Variants in OMG observed in about 807,000 individuals in gnomAD.
The protein encoded by OMG is oligodendrocyte-myelin glycoprotein.
A neutral mutation model predicts 26.2 loss-of-function variants in OMG; 9 were observed. That is an observed-to-expected ratio of 0.34 (90% CI 0.21 to 0.60). OMG has a LOEUF of 0.60. Ranked by LOEUF, OMG falls within the 20% of genes least tolerant of loss-of-function variation. OMG has a pLI of 0.80. For synonymous variants in OMG, 179 were observed against 190.4 expected (o/e 0.94, Z 0.49); for missense variants, 402 against 513.6 (o/e 0.78, Z 2.10).
Position 31,295,791 on chromosome 17 carries a change from G to A in OMG, c.541C>T (p.Gln181Ter). 1 of 1,614,168 alleles carries A rather than the reference G, an allele frequency of 6.2e-7. No homozygotes were observed. The highest frequency in any genetic ancestry group is 8.5e-7 in the Non-Finnish European group (1 of 1,180,008). ...TTTATTAATGTACCTGGAAGAATTTGTGTCAAAGAATTATTAGACAGGTCC... is the reference window on the plus strand; with the variant it reads ...TTTATTAATGTACCTGGAAGAATTTATGTCAAAGAATTATTAGACAGGTCC... ...IVDLSNNSLT[Q>*]ILPGTLINLT... is the part of the protein sequence containing the mutation. Residue 181 changes from glutamine (Q) to a stop codon, truncating the protein, a stop_gained, in exon 2 of 2, where the codon CAA (glutamine) becomes TAA (stop). Coordinates refer to ENST00000247271, the MANE Select transcript of OMG (RefSeq NM_002544.5). LOFTEE classifies it high-confidence loss of function.
intron 1 of OMG, chr17:31,296,598 C>A (rs894863122): frequency 3.7e-5 from 17 of 454,626 alleles, no homozygotes; most frequent in Middle Eastern, 1.2e-3. Flanking sequence ...CTCCCTCCCC[C>A]CTTTTCTAAC....
intron 1 of OMG, 49 bp from the exon 2 acceptor site, chr17:31,296,386 G>A: frequency 1.9e-6 from 3 of 1,604,384 alleles, no homozygotes; most frequent in East Asian, 2.2e-5. Flanking sequence ...ATACAGTTTA[G>A]GCATCTGCAT....
rs1433022066 is a variant in OMG at position 31,295,621 on chromosome 17, G to A, written c.711C>T (p.Tyr237=). The stretch of plus-strand genomic sequence containing the variant: ...TTGTTTCCATCATCCACTTCAGTAA[G>A]TAAGTAATGTTTTGTTTGTGGTCAC... ...WSCDHKQNIT[Y]LLKWMMETKA... Residue 237 remains tyrosine (Y), a synonymous_variant, in exon 2 of 2, where the codon TAC becomes TAT. Transcript: ENST00000247271. The A allele has an allele frequency of 1.9e-5, 31 of 1,614,016 alleles. No individual in the cohort carries two copies. Among genetic ancestry groups the A allele is most frequent in the Non-Finnish European group, 2.6e-5 (31 of 1,180,016 alleles).
intron 1 of OMG, chr17:31,296,560 C>A: frequency 3.7e-6 from 2 of 535,406 alleles, no homozygotes; most frequent in South Asian, 4.3e-5. Context: ...TCCCTACTCT[C>A]TCCTGCATTT....
Position 31,296,260 on chromosome 17 carries a change from G to C in OMG, c.72C>G (p.Cys24Trp). ...ILLFLTPGIL[C>W]ICPLQCICTE... Reference sequence around the variant, plus strand: ...TGCATATACATTGGAGAGGACAAATGCATAAAATACCAGGTGTGAGAAACA... The same window carrying C: ...TGCATATACATTGGAGAGGACAAATCCATAAAATACCAGGTGTGAGAAACA... The change falls in exon 2 of 2, where the codon TGC (cysteine) becomes TGG (tryptophan). Residue 24 changes from cysteine (C) to tryptophan (W), a missense_variant. Transcript: ENST00000247271. 1 of 1,614,074 alleles carries C rather than the reference G, an allele frequency of 6.2e-7. No individual in the cohort carries two copies. Among genetic ancestry groups the C allele is most frequent in the Non-Finnish European group, 8.5e-7 (1 of 1,179,954 alleles).
chr17:31,295,810 C>T lies in OMG; in HGVS notation c.522G>A (p.Leu174=), dbSNP rs1167189938. 1.9e-6 allele frequency: 3 copies of T among 1,614,054 alleles called. No homozygotes were observed. The highest frequency in any genetic ancestry group is 2.5e-6 in the Non-Finnish European group (3 of 1,180,030). The change falls in exon 2 of 2, where the codon CTG becomes CTA. Residue 174 remains leucine, a synonymous_variant. Transcript: ENST00000247271. ...NMPSKLHIVD[L]SNNSLTQILP... ...GAATTTGTGTCAAAGAATTATTAGACAGGTCCACGATATGTAGTTTGGAGG... is the reference window on the plus strand; with the variant it reads ...GAATTTGTGTCAAAGAATTATTAGATAGGTCCACGATATGTAGTTTGGAGG...
At chr17:31,296,521 A>G (rs771437591) in intron 1 of OMG, 184 bp from the exon 2 acceptor site, 17 of 629,410 alleles carry the variant, frequency 2.7e-5, no homozygotes, top group Middle Eastern at 4.3e-4. Context: ...TAATCCTTCA[A>G]TTGGGCTATG....
In OMG at chr17:31,295,266, G is replaced by T; in HGVS notation, c.1066C>A (p.His356Asn). The change falls in exon 2 of 2, where the codon CAT becomes AAT. Residue 356 changes from histidine (H) to asparagine (N), a missense_variant. Around this residue, in one of 3 missense-constraint regions of OMG, gnomAD observed 247 missense variants for 274.7 expected, o/e 0.90. Transcript: ENST00000247271. ...TTTGTGACCATTCCATCTTGGAGAT[G>T]AATAGTTAGAGTTGCAGCTGCTGCT... The part of the protein sequence containing the change: ...HEAAAATLTI[H>N]LQDGMVTNTS... The T allele has an allele frequency of 6.2e-7, 1 of 1,614,096 alleles. No individual in the cohort carries two copies. The highest frequency in any genetic ancestry group is 8.5e-7 in the Non-Finnish European group (1 of 1,180,016).
chr17:31,296,268 T>C lies in OMG; in HGVS notation c.64A>G (p.Ile22Val). The change falls in exon 2 of 2, where the codon ATT becomes GTT. Residue 22 changes from isoleucine (I) to valine (V), a missense_variant. Ile to Val is a conservative substitution (Grantham distance 29). Transcript: ENST00000247271. ...CATTGGAGAGGACAAATGCATAAAATACCAGGTGTGAGAAACAGAAGGATG... is the reference window on the plus strand; with the variant it reads ...CATTGGAGAGGACAAATGCATAAAACACCAGGTGTGAGAAACAGAAGGATG... ...LFILLFLTPG[I>V]LCICPLQCIC... 1 of 1,614,092 alleles carries C rather than the reference T, an allele frequency of 6.2e-7. No individual in the cohort carries two copies. Among genetic ancestry groups the C allele is most frequent in the Non-Finnish European group, 8.5e-7 (1 of 1,179,938 alleles).
At position 31,296,248 on chromosome 17, in the gene OMG, G is replaced by T. The variant is rs1429868370; in HGVS notation, c.84C>A (p.Leu28=). 6.2e-7 allele frequency: 1 copy of T among 1,613,992 alleles called. No homozygotes were observed. The highest frequency in any genetic ancestry group is 8.5e-7 in the Non-Finnish European group (1 of 1,179,996). The part of the protein sequence containing the change: ...LTPGILCICP[L]QCICTERHRH... ...TGTGCCTCTCTGTGCATATACATTG[G>T]AGAGGACAAATGCATAAAATACCAG... Residue 28 remains leucine (L), a synonymous_variant, in exon 2 of 2, where the codon CTC becomes CTA. Coordinates refer to ENST00000247271, the MANE Select transcript of OMG (RefSeq NM_002544.5).
Position 31,294,863 on chromosome 17 carries a change from A to T in OMG, c.*146T>A. ...GCATTTCTTTTATTTAAGACAAGTT[A>T]CTTCATTTACATCAGAGTTAGAAAT... On this transcript the variant is annotated 3_prime_UTR_variant, in exon 2 of 2. Coordinates refer to ENST00000247271, the MANE Select transcript of OMG (RefSeq NM_002544.5). 9.8e-7 allele frequency: 1 copy of T among 1,020,296 alleles called. No homozygotes were observed. Among genetic ancestry groups the T allele is most frequent in the Non-Finnish European group, 1.5e-6 (1 of 669,296 alleles). The allele number at this position is 1,020,296 out of a possible 1,614,324, so 63.2% of individuals were successfully genotyped here.
chr17:31,295,391 A>G lies in OMG; in HGVS notation c.941T>C (p.Phe314Ser). Residue 314 changes from phenylalanine (F) to serine (S), a missense_variant, in exon 2 of 2, where the codon TTT becomes TCT. Coordinates refer to ENST00000247271, the MANE Select transcript of OMG (RefSeq NM_002544.5). ...PKQYRTKETT[F>S]GATLSKDTTF... is the part of the protein sequence containing the mutation. ...GGTGTCTTTGCTTAGAGTGGCACCA[A>G]ACGTTGTTTCCTTTGTTCGATATTG... 2.5e-6 allele frequency: 4 copies of G among 1,614,142 alleles called. No individual in the cohort carries two copies. Among genetic ancestry groups the G allele is most frequent in the Non-Finnish European group, 3.4e-6 (4 of 1,180,012 alleles).
chr17:31,296,940 T>C (rs1338902908), intron 1 of OMG: 1 of 153,236 alleles, frequency 6.5e-6, no homozygotes, highest in Non-Finnish European at 1.5e-5. Flanking sequence ...GTGATTTTTT[T>C]CTGTATATTT....
Position 31,295,669 on chromosome 17 carries a change from G to A in OMG, c.663C>T (p.Thr221=), listed in dbSNP as rs752784194. The part of the protein sequence containing the change: ...FDQLFQLQEI[T]LYNNRWSCDH... The stretch of plus-strand genomic sequence containing the variant: ...CACATGACCACCTGTTATTGTAAAG[G>A]GTTATCTCTTGCAACTGAAAGAGTT... Residue 221 remains threonine (T), a synonymous_variant, in exon 2 of 2, where the codon ACC becomes ACT. Transcript: ENST00000247271. 6.2e-7 allele frequency: 1 copy of A among 1,614,070 alleles called. No homozygotes were observed. Among genetic ancestry groups the A allele is most frequent in the Non-Finnish European group, 8.5e-7 (1 of 1,179,968 alleles).
At position 31,296,122 on chromosome 17, in the gene OMG, C is replaced by G; in HGVS notation, c.210G>C (p.Leu70=). ...LNLSYNHFTD[L]HNQLTQYTNL... ...TGGTATATTGGGTTAACTGGTTATG[C>G]AGATCAGTAAAGTGGTTATAAGACA... Residue 70 remains leucine (L), a synonymous_variant, in exon 2 of 2, where the codon CTG becomes CTC. Coordinates refer to ENST00000247271, the MANE Select transcript of OMG (RefSeq NM_002544.5). 6.2e-7 allele frequency: 1 copy of G among 1,610,932 alleles called. No individual in the cohort carries two copies. Among genetic ancestry groups the G allele is most frequent in the Non-Finnish European group, 8.5e-7 (1 of 1,178,192 alleles).
At position 31,295,284 on chromosome 17, in the gene OMG, C is replaced by T. The variant is rs1307971955; in HGVS notation, c.1048G>A (p.Ala350Thr). The stretch of plus-strand genomic sequence containing the variant: ...TGGAGATGAATAGTTAGAGTTGCAG[C>T]TGCTGCTTCATGTGAATTGATAGTC... ...TETINSHEAA[A>T]ATLTIHLQDG... Residue 350 changes from alanine to threonine, a missense_variant, in exon 2 of 2, where the codon GCT (alanine) becomes ACT (threonine). Transcript: ENST00000247271. The T allele has an allele frequency of 6.2e-7, 1 of 1,613,952 alleles. No homozygotes were observed. Among genetic ancestry groups the T allele is most frequent in the Non-Finnish European group, 8.5e-7 (1 of 1,180,008 alleles).
At position 31,296,316 on chromosome 17, in the gene OMG, A is replaced by G; in HGVS notation, c.16T>C (p.Leu6=). ...ATGAACAGGCAGAGAGACATTTTCA[A>G]TATCTGATATTCCATCAAAGCCTAG... MEYQI[L]KMSLCLFILL... The change falls in exon 2 of 2, where the codon TTG becomes CTG. Residue 6 remains leucine (L), a synonymous_variant. Coordinates refer to ENST00000247271, the MANE Select transcript of OMG (RefSeq NM_002544.5). 6.2e-7 allele frequency: 1 copy of G among 1,614,038 alleles called. No homozygotes were observed. The highest frequency in any genetic ancestry group is 8.5e-7 in the Non-Finnish European group (1 of 1,179,870).
chr17:31,295,588 A>G lies in OMG; in HGVS notation c.744T>C (p.His248=), dbSNP rs2068446683. The change falls in exon 2 of 2, where the codon CAT becomes CAC. Residue 248 remains histidine (H), a synonymous_variant. Coordinates refer to ENST00000247271, the MANE Select transcript of OMG (RefSeq NM_002544.5). The part of the protein sequence containing the change: ...LLKWMMETKA[H]VIGTPCSTQI... ...GGGTAGAACATGGAGTCCCTATCAC[A>G]TGGGCTTTTGTTTCCATCATCCACT... The G allele has an allele frequency of 2.5e-6, 4 of 1,614,032 alleles. No homozygotes were observed. The highest frequency in any genetic ancestry group is 1.7e-5 in the Admixed American group (1 of 60,002).
rs1238372879 is a variant in OMG at position 31,295,457 on chromosome 17, A to G, written c.875T>C (p.Leu292Pro). 6.2e-7 allele frequency: 1 copy of G among 1,614,132 alleles called. No individual in the cohort carries two copies. Among genetic ancestry groups the G allele is most frequent in the Admixed American group, 1.7e-5 (1 of 60,020 alleles). The change falls in exon 2 of 2, where the codon CTG becomes CCG. Residue 292 changes from leucine (L) to proline (P), a missense_variant. Leu to Pro is a moderately conservative substitution (Grantham distance 98). Around this residue, in one of 3 missense-constraint regions of OMG, gnomAD observed 247 missense variants for 274.7 expected, o/e 0.90. Transcript: ENST00000247271. ...CACTTTGGGTTGAGTTACCACACTC[A>G]GAGAGTTAATGGTGTCCACTGTCTG... ...GMQTVDTINS[L>P]SVVTQPKVTK...
Sources: allele counts gnomAD v4.1 joint callset, GRCh38; gene constraint gnomAD v4.1.1; regional missense constraint gnomAD v4.1.1; transcripts MANE v1.5; gene names NCBI Gene and HGNC (gene_info 2026-07-23, HGNC 2026-07-21).